The following CSMD1 variants were observed in gnomAD, a reference collection of about 807,000 sequenced individuals.
CSMD1 encodes the protein CUB and Sushi multiple domains 1.
A neutral mutation model predicts 417.5 loss-of-function variants in CSMD1; 213 were observed. That is an observed-to-expected ratio of 0.51 (90% CI 0.46 to 0.57). CSMD1 has a LOEUF of 0.57. Among genes scored for constraint, CSMD1 ranks in the 20% least tolerant of loss-of-function variants. The pLI is 0.00. For synonymous variants in CSMD1, 2,862 were observed against 1,736.8 expected (o/e 1.65, Z -16.11); for missense variants, 6,923 against 4,529.7 (o/e 1.53, Z -15.17).
At chr8:4,283,598 G>A (rs937440658) in intron 3 of CSMD1, among the ~76,000 whole-genome samples, 1 of 152,172 alleles carries the variant, frequency 6.6e-6, no homozygotes, top group Non-Finnish European at 1.5e-5. Context: ...AGGAAACCCA[G>A]GTCCTTGGGG....
At chr8:4,827,064 G>T (rs994085236) in intron 1 of CSMD1, among the ~76,000 whole-genome samples, 4 of 151,970 alleles carry the variant, frequency 2.6e-5, no homozygotes, top group African/African-American at 9.7e-5. Flanking sequence ...TAAGAACAGG[G>T]AAAAAAATTA....
intron 4 of CSMD1, among the ~76,000 whole-genome samples, chr8:4,011,049 C>T (rs557443966): frequency 6.6e-6 from 1 of 152,160 alleles, no homozygotes; most frequent in Non-Finnish European, 1.5e-5. Context: ...GCATCTCTTG[C>T]CAAATCCTCA....
chr8:4,532,397 C>T (rs1323928848), intron 2 of CSMD1, among the ~76,000 whole-genome samples: 1 of 151,028 alleles, frequency 6.6e-6, no homozygotes, highest in Admixed American at 6.6e-5. Flanking sequence ...TCCTGCACCC[C>T]CATTCAGTCA....
At chr8:3,551,209 T>C (rs541376835) in intron 10 of CSMD1, among the ~76,000 whole-genome samples, 33 of 152,330 alleles carry the variant, frequency 2.2e-4, no homozygotes, top group African/African-American at 7.7e-4. Context: ...ATGAACATAA[T>C]TACTTAAAGT....
intron 3 of CSMD1, among the ~76,000 whole-genome samples, chr8:4,398,832 G>A (rs918861327): frequency 6.6e-6 from 1 of 152,018 alleles, no homozygotes; most frequent in African/African-American, 2.4e-5. Context: ...TTCTTTTCAA[G>A]GTCTTTTTAT....
chr8:4,648,814 G>C (rs1404909563), intron 1 of CSMD1, among the ~76,000 whole-genome samples: 1 of 152,160 alleles, frequency 6.6e-6, no homozygotes, highest in Non-Finnish European at 1.5e-5. Context: ...CCCACCACTT[G>C]TCTGGTAAAA....
At chr8:3,014,367 A>G (rs1353447894) in intron 52 of CSMD1, among the ~76,000 whole-genome samples, 2 of 152,190 alleles carry the variant, frequency 1.3e-5, no homozygotes, top group African/African-American at 2.4e-5. Context: ...TGCTCTATAT[A>G]TCATCAAGTC....
intron 3 of CSMD1, among the ~76,000 whole-genome samples, chr8:4,363,307 G>T (rs1455970622): frequency 1.3e-5 from 2 of 152,152 alleles, no homozygotes; most frequent in Admixed American, 6.5e-5. Flanking sequence ...TGCCCGTCAT[G>T]AAATTCTATA....
At chr8:4,194,993 G>T (rs1013852367) in intron 3 of CSMD1, among the ~76,000 whole-genome samples, 2 of 151,618 alleles carry the variant, frequency 1.3e-5, no homozygotes, top group African/African-American at 4.9e-5. Context: ...CTTTCATCTG[G>T]GAATTTTCCA....
At chr8:3,384,727 A>C (rs1810872769) in intron 18 of CSMD1, among the ~76,000 whole-genome samples, 1 of 121,754 alleles carries the variant, frequency 8.2e-6, no homozygotes, top group African/African-American at 3.2e-5. Context: ...TATAATATTT[A>C]TATATATTAT....
chr8:3,008,823 T>C (rs592700), intron 52 of CSMD1, among the ~76,000 whole-genome samples: 31,179 of 152,170 alleles, frequency 0.2, 5,929 homozygotes, highest in African/African-American at 0.51. Context: ...GGTGACTTTC[T>C]GAGTGACTGA....
intron 11 of CSMD1, among the ~76,000 whole-genome samples, chr8:3,474,645 A>G (rs1438050230): frequency 5.3e-5 from 8 of 152,198 alleles, no homozygotes; most frequent in Admixed American, 4.6e-4. Flanking sequence ...TCTTGTTTAT[A>G]TCAATTAGCC....
intron 1 of CSMD1, among the ~76,000 whole-genome samples, chr8:4,836,486 G>A (rs1486097509): frequency 1.3e-5 from 2 of 152,076 alleles, no homozygotes; most frequent in African/African-American, 4.8e-5. Flanking sequence ...CTTGAATACG[G>A]CAGACAGCTA....
chr8:3,346,290 A>G (rs1464887505), intron 22 of CSMD1, among the ~76,000 whole-genome samples: 12 of 152,228 alleles, frequency 7.9e-5, no homozygotes, highest in African/African-American at 2.9e-4. Flanking sequence ...CCATTGCAAT[A>G]ATATTTATCC....
chr8:4,575,259 G>T (rs1044621766), intron 2 of CSMD1, among the ~76,000 whole-genome samples: 1 of 152,154 alleles, frequency 6.6e-6, no homozygotes, highest in Non-Finnish European at 1.5e-5. Context: ...AAAAGGTGGA[G>T]ATCATTCTCA....
chr8:4,574,404 C>T (rs2725018), intron 2 of CSMD1, among the ~76,000 whole-genome samples: 60,511 of 152,012 alleles, frequency 0.4, 12,847 homozygotes, highest in East Asian at 0.53. Flanking sequence ...TGCACTTCCC[C>T]GGTGAGGCAA....
chr8:4,222,116 AAC>A (rs1801067293), intron 3 of CSMD1, among the ~76,000 whole-genome samples: 1 of 152,026 alleles, frequency 6.6e-6, no homozygotes, highest in South Asian at 2.1e-4. Flanking sequence ...AAAAAAAAAA[AAC>A]AGAAGCAAGT....
chr8:4,298,274 G>C (rs1035880551), intron 3 of CSMD1, among the ~76,000 whole-genome samples: 1 of 152,164 alleles, frequency 6.6e-6, no homozygotes, highest in African/African-American at 2.4e-5. Flanking sequence ...TAAAAGGTAA[G>C]AAGTTACAAT....
intron 10 of CSMD1, among the ~76,000 whole-genome samples, chr8:3,566,690 C>T (rs1351622572): frequency 6.6e-6 from 1 of 152,162 alleles, no homozygotes; most frequent in Non-Finnish European, 1.5e-5. Flanking sequence ...GTCAACATCA[C>T]TGATCATTAG....
Sources: allele counts gnomAD v4.1 joint callset (sites outside exome capture counted in the v4.1 genomes callset), GRCh38; gene constraint gnomAD v4.1.1; transcripts MANE v1.5; gene names NCBI Gene and HGNC (gene_info 2026-07-23, HGNC 2026-07-21).